OSTF1: variants seen among roughly 807,000 people sequenced by gnomAD.
OSTF1 encodes osteoclast stimulating factor 1, also known as osteoclast-stimulating factor 1.
In OSTF1, 27 loss-of-function variants were observed where a neutral mutation model predicts 37.2. That is an observed-to-expected ratio of 0.73 (90% CI 0.54 to 1.00). The LOEUF (loss-of-function observed/expected upper bound fraction) is 1.00, where lower values mean the gene tolerates loss of function less well. Ranked by LOEUF, OSTF1 falls within the 50% of genes least tolerant of loss-of-function variation. OSTF1 has a pLI of 0.00. For missense variants in OSTF1, 232 were observed against 253.8 expected, an observed-to-expected ratio of 0.91 and a Z score of 0.58; for synonymous variants, 82 against 89.2, an observed-to-expected ratio of 0.92 and a Z score of 0.46.
chr9:75,130,591 G>T lies in OSTF1; in HGVS notation c.146G>T (p.Trp49Leu). ...IYITDMSDTN[W>L]WKGTSKGRTG... ...TTCTTTTACCAGAGCGATACCAATT[G>T]GTGGAAAGGCACCTCCAAAGGCAGG... Residue 49 changes from tryptophan (W) to leucine (L), a missense_variant, in exon 4 of 10, where the codon TGG becomes TTG. Physicochemically the swap from Trp to Leu is moderately conservative, Grantham distance 61. Coordinates refer to ENST00000346234, the MANE Select transcript of OSTF1 (RefSeq NM_012383.5). 1 of 1,608,628 alleles carries T rather than the reference G, an allele frequency of 6.2e-7. No individual in the cohort carries two copies.
chr9:75,138,205 C>T (rs1360002771), intron 8 of OSTF1, among the ~76,000 whole-genome samples: 1 of 152,194 alleles, frequency 6.6e-6, no homozygotes, highest in African/African-American at 2.4e-5. Context: ...ATCACCTATA[C>T]CATACTCTAG....
chr9:75,121,300 G>T (rs191407232), intron 2 of OSTF1, among the ~76,000 whole-genome samples: 1 of 152,120 alleles, frequency 6.6e-6, no homozygotes, highest in East Asian at 1.9e-4. Context: ...GATGGGTTGT[G>T]TATTGATTTA....
Position 75,106,954 on chromosome 9 carries a change from G to GA in OSTF1, c.35-10540dup, listed in dbSNP as rs751246991. 3.7e-3 allele frequency among the ~76,000 whole-genome samples: 401 copies of GA among 109,698 alleles called. 2 individuals are homozygous for GA. Among genetic ancestry groups the GA allele is most frequent in the Middle Eastern group, 6.9e-3 (1 of 144 alleles). The allele number at this position is 109,698 out of a possible 152,430, so 72.0% of individuals were successfully genotyped here. A position where few individuals can be genotyped will look rare whatever the true frequency, so the allele number is the denominator to read the frequency against. ...TGCGACAGAGCAAGACTCTGTCTCG[G>GA]AAAAAAAAAAGAAAAAGAAAAAGAA... On this transcript the variant is annotated intron_variant, in intron 1 of 9. Transcript: ENST00000346234.
chr9:75,132,962 TACACACACATACACACACACAC>T (rs752331676), intron 5 of OSTF1, among the ~76,000 whole-genome samples: 6,816 of 97,708 alleles, frequency 0.07, 194 homozygotes, highest in Middle Eastern at 0.12. Context: ...TATATACACA[TACACACACATACACACACACAC>T]ACACACACAC....
intron 2 of OSTF1, among the ~76,000 whole-genome samples, chr9:75,118,525 G>T (rs775102067): frequency 6.6e-6 from 1 of 152,128 alleles, no homozygotes; most frequent in Non-Finnish European, 1.5e-5. Flanking sequence ...GTGAAGCAGG[G>T]AGTCGAGACA....
At chr9:75,141,671 T>C (rs923533300) in intron 9 of OSTF1, among the ~76,000 whole-genome samples, 3 of 152,232 alleles carry the variant, frequency 2.0e-5, no homozygotes, top group African/African-American at 7.2e-5. Flanking sequence ...GTAATCAAAT[T>C]TATTCTAGAC....
intron 9 of OSTF1, among the ~76,000 whole-genome samples, chr9:75,143,720 C>T (rs7862075): frequency 0.65 from 98,484 of 151,974 alleles, 32,123 homozygotes; most frequent in Non-Finnish European, 0.69. Context: ...GGTGATGGGA[C>T]TGAGGTAAAA....
intron 2 of OSTF1, among the ~76,000 whole-genome samples, chr9:75,123,062 C>T (rs1825605318): frequency 6.6e-6 from 1 of 152,154 alleles, no homozygotes; most frequent in Admixed American, 6.5e-5. Context: ...TCCCAGTGGA[C>T]AACAGCCTAC....
rs535464490 is a variant in OSTF1, at chr9:75,111,811, C to CTTT, written c.35-5665_35-5663dup. On this transcript the variant is annotated intron_variant, in intron 1 of 9. Transcript: ENST00000346234. ...TGGTGATCTATTAAGATGTTTACTG[C>CTTT]TTTTTTTTTTTTTTTTTTTTTTTTT... Among the ~76,000 whole-genome samples, 285 of 52,164 alleles carry CTTT rather than the reference C, an allele frequency of 5.5e-3. 31 individuals are homozygous for CTTT. Among genetic ancestry groups the CTTT allele is most frequent in the Non-Finnish European group, 7.1e-3 (214 of 30,224 alleles). The allele number at this position is 52,164 out of a possible 152,430, so 34.2% of individuals were successfully genotyped here. A position where few individuals can be genotyped will look rare whatever the true frequency, so the allele number is the denominator to read the frequency against.
intron 1 of OSTF1, among the ~76,000 whole-genome samples, chr9:75,111,637 C>T (rs1825389846): frequency 6.6e-6 from 1 of 152,026 alleles, no homozygotes; most frequent in Non-Finnish European, 1.5e-5. Context: ...TTTATATAGT[C>T]TTCTGAGCTC....
At chr9:75,128,387 TATATATATATATATATA>T (rs1564164987) in intron 3 of OSTF1, among the ~76,000 whole-genome samples, 15 of 91,698 alleles carry the variant, frequency 1.6e-4, no homozygotes, top group African/African-American at 5.4e-4. Flanking sequence ...TATATATATA[TATATATATATATATATA>T]TATTTTGTCC....
intron 1 of OSTF1, among the ~76,000 whole-genome samples, chr9:75,107,280 C>T (rs1209828026): frequency 2.0e-5 from 3 of 152,016 alleles, no homozygotes; most frequent in Non-Finnish European, 2.9e-5. Flanking sequence ...AAATATGCCT[C>T]ATAGAAATAA....
At position 75,088,529 on chromosome 9, in the gene OSTF1, T is replaced by A. The variant is rs555447282; in HGVS notation, c.-164T>A. The A allele has an allele frequency of 7.1e-5, 52 of 734,526 alleles. No individual in the cohort carries two copies. In the African/African-American group the frequency reaches 8.8e-4, roughly 12 times the overall value. 45.5% of individuals were successfully genotyped at this position (734,526 alleles called of 1,614,324 possible). A position where few individuals can be genotyped will look rare whatever the true frequency, so the allele number is the denominator to read the frequency against. ...GGGGCGGAGCACTCGGCGGAGCCGC[T>A]CTGCCTGCGTCCGCTCTTCCCGCAG... On this transcript the variant is annotated 5_prime_UTR_variant, in exon 1 of 10. Coordinates refer to ENST00000346234, the MANE Select transcript of OSTF1 (RefSeq NM_012383.5).
At chr9:75,111,706 G>T in intron 1 of OSTF1, among the ~76,000 whole-genome samples, 1 of 151,834 alleles carries the variant, frequency 6.6e-6, no homozygotes, top group Non-Finnish European at 1.5e-5. Flanking sequence ...CAAGCTTGAG[G>T]GAGCCCGAGG....
rs1825930352 is a variant in OSTF1 at position 75,140,833 on chromosome 9, G to A, written c.488-1G>A. ...TAATTGACTTTTCTTGTGTTGGGAA[G>A]GTGCTAGAACAGACTTAAGAAACAT... On this transcript the variant is annotated splice_acceptor_variant, in intron 8 of 9. Transcript: ENST00000346234. LOFTEE classifies it high-confidence loss of function. The A allele has an allele frequency of 1.9e-6, 3 of 1,610,268 alleles. No individual in the cohort carries two copies. The highest frequency in any genetic ancestry group is 2.2e-5 in the South Asian group (2 of 90,962).
chr9:75,113,641 G>T (rs1044053874), intron 1 of OSTF1, among the ~76,000 whole-genome samples: 1 of 151,866 alleles, frequency 6.6e-6, no homozygotes, highest in African/African-American at 2.4e-5. Flanking sequence ...TAGAGATGGG[G>T]TTTTGCTATG....
chr9:75,120,285 C>T (rs1001927476), intron 2 of OSTF1, among the ~76,000 whole-genome samples: 3 of 152,124 alleles, frequency 2.0e-5, no homozygotes, highest in African/African-American at 4.8e-5. Flanking sequence ...GAGCCCATAA[C>T]AGGGAAGTGT....
chr9:75,107,670 A>G (rs1458126758), intron 1 of OSTF1, among the ~76,000 whole-genome samples: 2 of 152,258 alleles, frequency 1.3e-5, no homozygotes, highest in African/African-American at 2.4e-5. Context: ...TCAGTAAGAT[A>G]TGTATTTTTC....
intron 1 of OSTF1, among the ~76,000 whole-genome samples, chr9:75,113,777 A>G (rs951729123): frequency 6.6e-6 from 1 of 152,194 alleles, no homozygotes; most frequent in Non-Finnish European, 1.5e-5. Context: ...AACATGTGTT[A>G]CCTTACATTA....
Sources: gnomAD v4.1 joint callset for allele counts (sites outside exome capture counted in the v4.1 genomes callset) on GRCh38, gnomAD v4.1.1 for gene constraint, MANE v1.5 for transcripts, NCBI Gene and HGNC (gene_info 2026-07-23, HGNC 2026-07-21) for gene names.